The following COL11A1 variants were observed in gnomAD, a reference collection of about 807,000 sequenced individuals.
COL11A1 encodes the protein collagen type XI alpha 1 chain.
Under a neutral mutation model 265.2 loss-of-function variants are expected in COL11A1, and 74 were observed. The observed-to-expected ratio is 0.28, with a 90% CI of 0.23 to 0.34. COL11A1 has a LOEUF of 0.34. Ranked by LOEUF, COL11A1 falls within the 10% of genes least tolerant of loss-of-function variation. The probability of loss-of-function intolerance (pLI) is 1.00; values close to 1 mark genes in which losing one functional copy is unlikely to be tolerated. For synonymous variants in COL11A1, 816 were observed against 727.6 expected (o/e 1.12, Z -1.96); for missense variants, 2,165 against 2,263.6 (o/e 0.96, Z 0.88).
chr1:103,001,241 A>G (rs1029070780), intron 24 of COL11A1: 6 of 397,504 alleles, frequency 1.5e-5, no homozygotes, highest in African/African-American at 1.2e-4. Context: ...TACACTTAAA[A>G]CAAGGGAATA....
chr1:103,087,470 A>G (rs571991588), intron 1 of COL11A1, among the ~76,000 whole-genome samples: 7 of 152,262 alleles, frequency 4.6e-5, no homozygotes, highest in Non-Finnish European at 7.4e-5. Flanking sequence ...TGATTTCCAC[A>G]TTCCTTGAAT....
chr1:102,930,683 G>C (rs938032438), intron 46 of COL11A1, among the ~76,000 whole-genome samples: 1 of 152,092 alleles, frequency 6.6e-6, no homozygotes, highest in Non-Finnish European at 1.5e-5. Flanking sequence ...GTTCCTCCTT[G>C]TACCTCTGGT....
At chr1:102,967,339 C>T (rs1366886285) in intron 37 of COL11A1, among the ~76,000 whole-genome samples, 1 of 145,512 alleles carries the variant, frequency 6.9e-6, no homozygotes, top group Admixed American at 7.1e-5. Flanking sequence ...CTCCCAGGTT[C>T]ACGCCATTCT....
At chr1:102,884,668 T>A (rs927005674) in intron 63 of COL11A1, 1 of 152,272 alleles carries the variant, frequency 6.6e-6, no homozygotes, top group Admixed American at 6.6e-5. Flanking sequence ...TCCCAAGTGC[T>A]GGCAGCCCAC....
rs1343291286 is a variant in COL11A1, at chr1:103,002,433, G to T, written c.2092C>A (p.Pro698Thr). The T allele has an allele frequency of 9.9e-6, 16 of 1,608,686 alleles. No individual in the cohort carries two copies. Among genetic ancestry groups the T allele is most frequent in the African/African-American group, 1.3e-5 (1 of 74,816 alleles). The change falls in exon 23 of 67, where the codon CCT (proline) becomes ACT (threonine). Residue 698 changes from proline (P) to threonine (T), a missense_variant. Transcript: ENST00000370096. ...GPPGQQGNPG[P>T]QGLPGPQGPI... is the part of the protein sequence containing the mutation. The stretch of plus-strand genomic sequence containing the variant: ...CTGCAGTGGCTTAGACTTACCTGAG[G>T]TCCTGGATTCCCTTGTTGACCTGGA...
intron 46 of COL11A1, among the ~76,000 whole-genome samples, chr1:102,932,600 G>A (rs1657607056): frequency 6.6e-6 from 1 of 152,130 alleles, no homozygotes; most frequent in African/African-American, 2.4e-5. Flanking sequence ...GAGTGTCTTT[G>A]TGGCATTCTC....
chr1:103,007,895 A>G (rs1198210544), intron 15 of COL11A1, among the ~76,000 whole-genome samples: 1 of 149,868 alleles, frequency 6.7e-6, no homozygotes, highest in Non-Finnish European at 1.5e-5. Flanking sequence ...AAGATTGTCT[A>G]CAGGTTAAAG....
At chr1:102,969,632 A>G (rs2101622357) in intron 37 of COL11A1, among the ~76,000 whole-genome samples, 1 of 152,314 alleles carries the variant, frequency 6.6e-6, no homozygotes, top group Non-Finnish European at 1.5e-5. Context: ...TAAGTTGTTC[A>G]GTCAATTTGT....
At chr1:102,904,846 A>C (rs2100969615) in intron 54 of COL11A1, among the ~76,000 whole-genome samples, 1 of 152,136 alleles carries the variant, frequency 6.6e-6, no homozygotes, top group Non-Finnish European at 1.5e-5. Flanking sequence ...AACTAGAAAT[A>C]CCATTTGACC....
At chr1:102,905,524 A>AG (rs1385905067) in intron 54 of COL11A1, among the ~76,000 whole-genome samples, 1 of 150,714 alleles carries the variant, frequency 6.6e-6, no homozygotes, top group East Asian at 1.9e-4. Flanking sequence ...TTAAAAAAAA[A>AG]AAAAAAAGTG....
rs1557764506 is a variant in COL11A1, at chr1:102,878,304, T to C, written c.5275-139A>G. 3 of 676,662 alleles carry C rather than the reference T, an allele frequency of 4.4e-6. No homozygotes were observed. The South Asian group carries it at 6.0e-5, about 13-fold the overall frequency. The allele number at this position is 676,662 out of a possible 1,614,324, so 41.9% of individuals were successfully genotyped here. A position where few individuals can be genotyped will look rare whatever the true frequency, so the allele number is the denominator to read the frequency against. Reference sequence around the variant, plus strand: ...AAAAACAAATTTTCTATTATCTATGTAATAATTCTTATCACTGTATAGTTC... The same window carrying C: ...AAAAACAAATTTTCTATTATCTATGCAATAATTCTTATCACTGTATAGTTC... On this transcript the variant is annotated intron_variant, in intron 66 of 66. Transcript: ENST00000370096.
In COL11A1 at chr1:103,046,168, G is replaced by A. The variant is rs567263232; in HGVS notation, c.652-14924C>T. 4.9e-3 allele frequency among the ~76,000 whole-genome samples: 735 copies of A among 150,508 alleles called. 5 individuals are homozygous for A. The highest frequency in any genetic ancestry group is 0.017 in the African/African-American group (686 of 40,802). On this transcript the variant is annotated intron_variant, in intron 4 of 66. Transcript: ENST00000370096. ...ATGACTGGGTCAAATGGTATTTCTA[G>A]TTCTAGATCCCTGAGGAACTGCCAC... is the stretch of plus-strand genomic sequence containing the variant.
chr1:102,988,645 A>C (rs1363088655), intron 29 of COL11A1, among the ~76,000 whole-genome samples: 3 of 152,184 alleles, frequency 2.0e-5, no homozygotes, highest in Non-Finnish European at 2.9e-5. Context: ...TTCATATTTA[A>C]TAAACAACTG....
rs774196470 is a variant in COL11A1, at chr1:102,914,747, C to T, written c.3881G>A (p.Gly1294Asp). Residue 1294 changes from glycine (G) to aspartate (D), a missense_variant, in exon 51 of 67, where the codon GGT (glycine) becomes GAT (aspartate). Physicochemically the swap from Gly to Asp is moderately conservative, Grantham distance 94. Transcript: ENST00000370096. ...ATCATCACCTGGTGGCCCCTTGGCA[C>T]CTGGAGGTCCAGCAGCTCCAGGTGG... The part of the protein sequence containing the change: ...AGPPGAAGPP[G>D]AKGPPGDDGP... 6.2e-7 allele frequency: 1 copy of T among 1,613,316 alleles called. No individual in the cohort carries two copies. Among genetic ancestry groups the T allele is most frequent in the African/African-American group, 1.3e-5 (1 of 74,906 alleles).
intron 4 of COL11A1, among the ~76,000 whole-genome samples, chr1:103,072,194 A>G (rs1285044771): frequency 1.3e-5 from 2 of 152,042 alleles, no homozygotes; most frequent in East Asian, 1.9e-4. Flanking sequence ...CTTTAAAATC[A>G]TCTTCAGTTT....
chr1:102,987,407 T>C (rs1663682511), intron 30 of COL11A1, among the ~76,000 whole-genome samples: 1 of 151,756 alleles, frequency 6.6e-6, no homozygotes, highest in Admixed American at 6.6e-5. Flanking sequence ...CAGTACATTA[T>C]AGAAAATTTA....
intron 1 of COL11A1, among the ~76,000 whole-genome samples, chr1:103,083,222 G>GTC (rs138799203): frequency 3.7e-4 from 44 of 118,788 alleles, no homozygotes; most frequent in Admixed American, 2.0e-3. Flanking sequence ...CAGAAGGGGT[G>GTC]TCTGTGTGTG....
chr1:102,931,500 G>A (rs948983025), intron 46 of COL11A1, among the ~76,000 whole-genome samples: 4 of 152,134 alleles, frequency 2.6e-5, no homozygotes, highest in Non-Finnish European at 1.5e-5. Flanking sequence ...GCTGAGGAGA[G>A]CTTTACTTCC....
chr1:103,101,199 G>T (rs988348616), intron 1 of COL11A1, among the ~76,000 whole-genome samples: 1 of 151,844 alleles, frequency 6.6e-6, no homozygotes, highest in Non-Finnish European at 1.5e-5. Flanking sequence ...GTGGGAAATG[G>T]CTGGTCTTGA....
Sources: gnomAD v4.1 joint callset for allele counts (sites outside exome capture counted in the v4.1 genomes callset) on GRCh38, gnomAD v4.1.1 for gene constraint, MANE v1.5 for transcripts, NCBI Gene and HGNC (gene_info 2026-07-23, HGNC 2026-07-21) for gene names.